KDM4D: variants seen among roughly 807,000 people sequenced by gnomAD.
KDM4D encodes the protein lysine demethylase 4D.
For synonymous variants in KDM4D, 254 were observed against 249.1 expected, an observed-to-expected ratio of 1.02 and a Z score of -0.19; for missense variants, 427 against 674.8, an observed-to-expected ratio of 0.63 and a Z score of 4.07.
At chr11:94,987,709 C>G (rs185340475) in intron 2 of KDM4D, among the ~76,000 whole-genome samples, 63 of 152,214 alleles carry the variant, frequency 4.1e-4, no homozygotes, top group African/African-American at 1.3e-3. Flanking sequence ...TCAGAGGAAA[C>G]AGACACAATG....
In KDM4D at chr11:94,998,769, C is replaced by A; in HGVS notation, c.1397C>A (p.Thr466Asn). ...CAGAAACTGAGAGCTCAGGAGCTGA[C>A]CCTCCAGACTCCAGCCAAGAGGCCC... Reference protein sequence around the residue: ...PPQKLRAQELTLQTPAKRPLL... With the variant: ...PPQKLRAQELNLQTPAKRPLL... The change falls in exon 3 of 3, where the codon ACC becomes AAC. Residue 466 changes from threonine to asparagine, a missense_variant. Transcript: ENST00000335080. The surrounding 1 kb of genome is among the most constrained non-coding windows in gnomAD (Gnocchi z 6.7). 1.9e-6 allele frequency: 3 copies of A among 1,611,254 alleles called. No individual in the cohort carries two copies. Among genetic ancestry groups the A allele is most frequent in the Non-Finnish European group, 2.5e-6 (3 of 1,177,806 alleles).
intron 2 of KDM4D, among the ~76,000 whole-genome samples, chr11:94,979,799 G>C (rs1271521619): frequency 6.6e-6 from 1 of 152,122 alleles, no homozygotes; most frequent in Non-Finnish European, 1.5e-5. Context: ...ATGTGCAAAG[G>C]TGCATGTGTG....
chr11:94,994,177 A>G (rs1368417269), intron 2 of KDM4D, among the ~76,000 whole-genome samples: 7 of 152,214 alleles, frequency 4.6e-5, no homozygotes, highest in African/African-American at 1.7e-4. Flanking sequence ...GGCACTGACC[A>G]TATGTCTGGG....
chr11:94,983,464 A>G (rs980931991), intron 2 of KDM4D, among the ~76,000 whole-genome samples: 4 of 152,134 alleles, frequency 2.6e-5, no homozygotes, highest in African/African-American at 7.2e-5. Flanking sequence ...ATTTGACTAC[A>G]TTTAATTTTT....
chr11:94,995,926 GC>G (rs1321938532), intron 2 of KDM4D, among the ~76,000 whole-genome samples: 1 of 152,004 alleles, frequency 6.6e-6, no homozygotes, highest in Non-Finnish European at 1.5e-5. Context: ...CTTTTGAATG[GC>G]CCTTCTCTAT....
chr11:94,980,694 G>A (rs1565417337), intron 2 of KDM4D, among the ~76,000 whole-genome samples: 2 of 152,004 alleles, frequency 1.3e-5, no homozygotes, highest in South Asian at 2.1e-4. Flanking sequence ...TATAAATGGC[G>A]TCTTCCTTAA....
At chr11:94,978,251 G>A (rs2134108379) in intron 2 of KDM4D, among the ~76,000 whole-genome samples, 1 of 152,042 alleles carries the variant, frequency 6.6e-6, no homozygotes, top group South Asian at 2.1e-4. Context: ...CCCACAAAAT[G>A]TGAACATTTT....
At position 94,997,335 on chromosome 11, in the gene KDM4D, A is replaced by G. The variant is rs781884920; in HGVS notation, c.-38A>G. ...CATTTTCCTACATTGTCAACTATCT[A>G]GAACATACCTAAAAACTAAGAGTTT... is the stretch of plus-strand genomic sequence containing the variant. On this transcript the variant is annotated 5_prime_UTR_variant, in exon 3 of 3. Transcript: ENST00000335080. 1.3e-6 allele frequency: 2 copies of G among 1,524,662 alleles called. No individual in the cohort carries two copies. The highest frequency in any genetic ancestry group is 1.8e-6 in the Non-Finnish European group (2 of 1,135,200). The allele number at this position is 1,524,662 out of a possible 1,614,324, so 94.4% of individuals were successfully genotyped here. A position where few individuals can be genotyped will look rare whatever the true frequency, so the allele number is the denominator to read the frequency against.
At position 94,992,638 on chromosome 11, in the gene KDM4D, T is replaced by C. The variant is rs587706682; in HGVS notation, c.-349-4386T>C. ...TAAAGATCTTAAAATATTTAAATTC[T>C]ATAATGTAATTTCATTTATAAGTAT... On this transcript the variant is annotated intron_variant, in intron 2 of 2. Coordinates refer to ENST00000335080, the MANE Select transcript of KDM4D (RefSeq NM_018039.3). Among the ~76,000 whole-genome samples the C allele has an allele frequency of 3.3e-5, 5 of 152,266 alleles. No homozygotes were observed. In the South Asian group the frequency reaches 8.3e-4, roughly 25 times the overall value.
chr11:94,997,295 T>G lies in KDM4D; in HGVS notation c.-78T>G, dbSNP rs1857983077. On this transcript the variant is annotated 5_prime_UTR_variant, in exon 3 of 3. The change creates a new upstream start codon in the 5' untranslated region. Transcript: ENST00000335080. Reference sequence around the variant, plus strand: ...ACCTCATAGATAACACCAGTCAAATTTTTTTTTAAAGTAGCATTTTCCTAC... The same window carrying G: ...ACCTCATAGATAACACCAGTCAAATGTTTTTTTAAAGTAGCATTTTCCTAC... 4.9e-6 allele frequency: 6 copies of G among 1,227,074 alleles called. No individual in the cohort carries two copies. Among genetic ancestry groups the G allele is most frequent in the Non-Finnish European group, 6.6e-6 (6 of 903,036 alleles). 76.0% of individuals were successfully genotyped at this position (1,227,074 alleles called of 1,614,324 possible). A position where few individuals can be genotyped will look rare whatever the true frequency, so the allele number is the denominator to read the frequency against.
At chr11:94,991,230 A>G (rs1361037705) in intron 2 of KDM4D, among the ~76,000 whole-genome samples, 1 of 152,186 alleles carries the variant, frequency 6.6e-6, no homozygotes, top group Non-Finnish European at 1.5e-5. Context: ...GGGAAGCATA[A>G]TCACTAAAAC....
chr11:94,981,717 C>T (rs1006968017), intron 2 of KDM4D, among the ~76,000 whole-genome samples: 1 of 151,384 alleles, frequency 6.6e-6, no homozygotes, highest in African/African-American at 2.4e-5. Flanking sequence ...GTTATTTGTG[C>T]CTTCTATTTT....
At chr11:94,993,961 A>T (rs1252323320) in intron 2 of KDM4D, among the ~76,000 whole-genome samples, 10 of 152,170 alleles carry the variant, frequency 6.6e-5, no homozygotes, top group Non-Finnish European at 1.2e-4. Context: ...AAAAATTGGG[A>T]TGAGATTGGG....
intron 1 of KDM4D, among the ~76,000 whole-genome samples, chr11:94,974,655 A>C (rs1403585222): frequency 9.9e-5 from 15 of 152,206 alleles, no homozygotes; most frequent in Admixed American, 8.5e-4. Context: ...AAAAGACGCG[A>C]TCATCATGCT....
At chr11:94,977,906 G>T (rs1176344631) in intron 2 of KDM4D, among the ~76,000 whole-genome samples, 3 of 152,090 alleles carry the variant, frequency 2.0e-5, no homozygotes, top group Non-Finnish European at 4.4e-5. Flanking sequence ...ACGAATGAAA[G>T]AATGAATTAG....
At chr11:94,992,641 A>C (rs1197489865) in intron 2 of KDM4D, among the ~76,000 whole-genome samples, 9 of 152,122 alleles carry the variant, frequency 5.9e-5, no homozygotes, top group Admixed American at 5.9e-4. Flanking sequence ...TAAATTCTAT[A>C]ATGTAATTTC....
In KDM4D at chr11:94,998,040, T is replaced by C; in HGVS notation, c.668T>C (p.Leu223Pro). Reference protein sequence around the residue: ...YVVPPEHGQRLERLARELFPG... With the variant: ...YVVPPEHGQRPERLARELFPG... ...GTGCCCCCAGAACATGGCCAGCGCCTGGAACGCCTGGCCAGGGAGCTCTTC... is the reference window on the plus strand; with the variant it reads ...GTGCCCCCAGAACATGGCCAGCGCCCGGAACGCCTGGCCAGGGAGCTCTTC... The change falls in exon 3 of 3, where the codon CTG becomes CCG. Residue 223 changes from leucine to proline, a missense_variant. Coordinates refer to ENST00000335080, the MANE Select transcript of KDM4D (RefSeq NM_018039.3). The surrounding 1 kb of genome is among the most constrained non-coding windows in gnomAD (Gnocchi z 6.7). The C allele has an allele frequency of 1.2e-6, 2 of 1,614,202 alleles. No individual in the cohort carries two copies. The highest frequency in any genetic ancestry group is 1.7e-6 in the Non-Finnish European group (2 of 1,180,022).
chr11:94,992,797 C>G (rs1857946182), intron 2 of KDM4D, among the ~76,000 whole-genome samples: 1 of 151,882 alleles, frequency 6.6e-6, no homozygotes, highest in African/African-American at 2.4e-5. Context: ...AATAGCTGTC[C>G]AATAATACAG....
At chr11:94,983,720 A>G (rs926757339) in intron 2 of KDM4D, among the ~76,000 whole-genome samples, 8 of 151,872 alleles carry the variant, frequency 5.3e-5, no homozygotes, top group African/African-American at 1.9e-4. Flanking sequence ...AAGTCACACA[A>G]TAATAACAAC....
Sources: allele counts gnomAD v4.1 joint callset (sites outside exome capture counted in the v4.1 genomes callset), GRCh38; gene constraint gnomAD v4.1.1; non-coding constraint Gnocchi (gnomAD v3.1); transcripts MANE v1.5; gene names NCBI Gene and HGNC (gene_info 2026-07-23, HGNC 2026-07-21).